The following CSN1S1 variants were observed in gnomAD, a reference collection of about 807,000 sequenced individuals.
CSN1S1 encodes casein alpha s1, also known as alpha-S1-casein.
CSN1S1 carries 63 observed loss-of-function variants against 49.1 expected under a neutral mutation model. The ratio of observed to expected loss-of-function variants is 1.28; its 90% CI spans 1.05 to 1.58. The LOEUF (loss-of-function observed/expected upper bound fraction) is 1.58. CSN1S1 is among the 40% of genes most tolerant of loss of function. CSN1S1 has a pLI of 0.00. For synonymous variants in CSN1S1, 78 were observed against 67.1 expected (o/e 1.16, Z -0.79); for missense variants, 260 against 224.7 (o/e 1.16, Z -1.01).
rs536837986 is a variant in CSN1S1, at chr4:69,946,098, C to T, written c.*-98C>T. 42 of 370,562 alleles carry T rather than the reference C, an allele frequency of 1.1e-4. 2 individuals are homozygous for T. The South Asian group carries it at 1.2e-3, about 11-fold the overall frequency. 23.0% of individuals were successfully genotyped at this position (370,562 alleles called of 1,614,324 possible). A position where few individuals can be genotyped will look rare whatever the true frequency, so the allele number is the denominator to read the frequency against. The stretch of plus-strand genomic sequence containing the variant: ...AATAACATTGTGAGCTTGTCTAATA[C>T]GAAGAGAAAATAGTAAAACGTGTTC... On this transcript the variant is annotated intron_variant, in intron 15 of 15. Transcript: ENST00000246891.
intron 14 of CSN1S1, among the ~76,000 whole-genome samples, chr4:69,943,143 G>A (rs1199291899): frequency 1.4e-5 from 2 of 146,308 alleles, no homozygotes; most frequent in African/African-American, 5.1e-5. Flanking sequence ...AGAATTACTT[G>A]GTCTTAATTT....
At chr4:69,942,174 A>T (rs1722990623) in intron 13 of CSN1S1, 111 bp downstream of exon 13, 1 of 646,068 alleles carries the variant, frequency 1.5e-6, no homozygotes, top group African/African-American at 1.8e-5. Context: ...GTGTTCTACC[A>T]ACACTATCTG....
In CSN1S1 at chr4:69,944,920, A is replaced by G. The variant is rs765267736; in HGVS notation, c.473A>G (p.Tyr158Cys). 3.1e-6 allele frequency: 5 copies of G among 1,613,042 alleles called. No homozygotes were observed. The highest frequency in any genetic ancestry group is 2.2e-5 in the East Asian group (1 of 44,830). Residue 158 changes from tyrosine (Y) to cysteine (C), a missense_variant, in exon 15 of 16, where the codon TAT becomes TGT. By Grantham distance (194) the Tyr-to-Cys change is radical. Coordinates refer to ENST00000246891, the MANE Select transcript of CSN1S1 (RefSeq NM_001890.2). ...AVWYYPQIMQYVPFPPFSDIS... is the reference protein window; with the variant it reads ...AVWYYPQIMQCVPFPPFSDIS... ...TGGTACTATCCACAAATCATGCAGT[A>G]TGTTCCTTTCCCACCGTTTTCCGAC...
At position 69,937,815 on chromosome 4, in the gene CSN1S1, G is replaced by A; in HGVS notation, c.235G>A (p.Glu79Lys). 1 of 1,597,078 alleles carries A rather than the reference G, an allele frequency of 6.3e-7. No individual in the cohort carries two copies. Among genetic ancestry groups the A allele is most frequent in the Non-Finnish European group, 8.5e-7 (1 of 1,173,434 alleles). ...CTTTCTTAAGAACTGTGTTGTGGCA[G>A]AGCCTGAGGTAAGACCCATTCATTC... ...NESTQNCVVA[E>K]PEKMESSISS... is the part of the protein sequence containing the mutation. Residue 79 changes from glutamate (E) to lysine (K), a missense_variant, in exon 9 of 16, where the codon GAG becomes AAG. Coordinates refer to ENST00000246891, the MANE Select transcript of CSN1S1 (RefSeq NM_001890.2).
chr4:69,936,464 G>T lies in CSN1S1; in HGVS notation c.138G>T (p.Met46Ile). The T allele has an allele frequency of 6.4e-7, 1 of 1,559,768 alleles. No homozygotes were observed. Among genetic ancestry groups the T allele is most frequent in the South Asian group, 1.1e-5 (1 of 88,692 alleles). The change falls in exon 6 of 16, where the codon ATG (methionine) becomes ATT (isoleucine). Residue 46 changes from methionine to isoleucine, a missense_variant. Coordinates refer to ENST00000246891, the MANE Select transcript of CSN1S1 (RefSeq NM_001890.2). Reference sequence around the variant, plus strand: ...TCTTTTTTATCCCTAAGGAATACATGAATGGTATGAACAGGGTAAGAAACA... The same window carrying T: ...TCTTTTTTATCCCTAAGGAATACATTAATGGTATGAACAGGGTAAGAAACA... Reference protein sequence around the residue: ...PIPLESREEYMNGMNRQRNIL... With the variant: ...PIPLESREEYINGMNRQRNIL...
intron 4 of CSN1S1, among the ~76,000 whole-genome samples, chr4:69,935,469 G>C (rs1722745788): frequency 6.6e-6 from 1 of 151,938 alleles, no homozygotes; most frequent in Non-Finnish European, 1.5e-5. Flanking sequence ...AGGGTCACTT[G>C]AGCATGGGCG....
At chr4:69,933,571 A>G (rs1179602162) in intron 2 of CSN1S1, among the ~76,000 whole-genome samples, 1 of 152,008 alleles carries the variant, frequency 6.6e-6, no homozygotes, top group African/African-American at 2.4e-5. Flanking sequence ...AAACTTCCTC[A>G]GGAATGAACT....
At chr4:69,931,816 C>T (rs952279772) in intron 1 of CSN1S1, among the ~76,000 whole-genome samples, 7 of 151,760 alleles carry the variant, frequency 4.6e-5, no homozygotes, top group Admixed American at 3.9e-4. Context: ...ACCATTTTCC[C>T]AGTACATGTG....
intron 2 of CSN1S1, among the ~76,000 whole-genome samples, chr4:69,933,651 A>G (rs2109712597): frequency 6.6e-6 from 1 of 152,066 alleles, no homozygotes; most frequent in South Asian, 2.1e-4. Context: ...TAGATGTTAC[A>G]CTTTTATTCC....
Position 69,936,592 on chromosome 4 carries a change from G to A in CSN1S1, c.180G>A (p.Gln60=). 1 of 1,605,766 alleles carries A rather than the reference G, an allele frequency of 6.2e-7. No homozygotes were observed. Among genetic ancestry groups the A allele is most frequent in the Non-Finnish European group, 8.5e-7 (1 of 1,175,532 alleles). The part of the protein sequence containing the change: ...NRQRNILREK[Q]TDEIKDTRNE... ...AGAGAAACATTCTGAGAGAAAAACA[G>A]ACTGATGAAATCAAGGTACCAAAGT... Residue 60 remains glutamine, a synonymous_variant, in exon 7 of 16, where the codon CAG becomes CAA. Coordinates refer to ENST00000246891, the MANE Select transcript of CSN1S1 (RefSeq NM_001890.2).
intron 10 of CSN1S1, 26 bp from the exon 11 acceptor site, chr4:69,939,995 C>T: frequency 7.5e-7 from 1 of 1,324,916 alleles, no homozygotes; most frequent in East Asian, 2.7e-5. Flanking sequence ...GAAATTAAAA[C>T]TATGCATGTT....
intron 13 of CSN1S1, 110 bp from the exon 14 acceptor site, chr4:69,942,426 C>T: frequency 4.4e-6 from 4 of 904,828 alleles, no homozygotes; most frequent in Non-Finnish European, 7.0e-6. Flanking sequence ...AGAATACAGT[C>T]TATTCTAAAT....
chr4:69,942,387 G>T, intron 13 of CSN1S1, 149 bp from the exon 14 acceptor site: 1 of 711,498 alleles, frequency 1.4e-6, no homozygotes. Context: ...AATAAAAAGT[G>T]TTTTGACATT....
intron 13 of CSN1S1, 121 bp from the exon 14 acceptor site, chr4:69,942,415 T>G (rs1723003698): frequency 1.2e-6 from 1 of 856,886 alleles, no homozygotes; most frequent in Admixed American, 2.7e-5. Flanking sequence ...AACTGTGGCA[T>G]AGAATACAGT....
chr4:69,942,482 T>G (rs1285291611), intron 13 of CSN1S1, 54 bp from the exon 14 acceptor site: 12 of 1,327,602 alleles, frequency 9.0e-6, no homozygotes, highest in Non-Finnish European at 1.3e-5. Flanking sequence ...GTAAGATAAA[T>G]GTGTTGTACC....
At chr4:69,942,241 A>T (rs1237283072) in intron 13 of CSN1S1, among the ~76,000 whole-genome samples, 178 bp downstream of exon 13, 2 of 151,994 alleles carry the variant, frequency 1.3e-5, no homozygotes, top group Non-Finnish European at 2.9e-5. Context: ...ATAAATAGCC[A>T]TAAATAGAAA....
Position 69,932,609 on chromosome 4 carries a change from A to G in CSN1S1, c.51+3A>G. On this transcript the variant is annotated splice_donor_region_variant and intron_variant, in intron 2 of 15. Transcript: ENST00000246891. ...TGGCTGTTGCTCTTGCCAGGCCTGT[A>G]AGTTCAGTAGAGAATTTAGAAAGTC... is the stretch of plus-strand genomic sequence containing the variant. 10 of 1,593,342 alleles carry G rather than the reference A, an allele frequency of 6.3e-6. No homozygotes were observed. Among genetic ancestry groups the G allele is most frequent in the Non-Finnish European group, 8.6e-6 (10 of 1,167,736 alleles).
chr4:69,939,926 A>G (rs1031263926), intron 10 of CSN1S1, 95 bp from the exon 11 acceptor site: 6 of 727,782 alleles, frequency 8.2e-6, no homozygotes, highest in African/African-American at 1.9e-5. Context: ...ATTCACTGCA[A>G]TTATTTAGTA....
chr4:69,944,989 T>A lies in CSN1S1; in HGVS notation c.542T>A (p.Val181Asp). 6.2e-7 allele frequency: 1 copy of A among 1,612,646 alleles called. No homozygotes were observed. Among genetic ancestry groups the A allele is most frequent in the Non-Finnish European group, 8.5e-7 (1 of 1,179,070 alleles). Residue 181 changes from valine to aspartate, a missense_variant, in exon 15 of 16, where the codon GTC becomes GAC. Transcript: ENST00000246891. ...CATGAAAATTATGAAAAAAATAACG[T>A]CATGCTACAGTGGTGGTAAGTTCAT... ...TAHENYEKNN[V>D]MLQW
Sources: allele counts gnomAD v4.1 joint callset (sites outside exome capture counted in the v4.1 genomes callset), GRCh38; gene constraint gnomAD v4.1.1; transcripts MANE v1.5; gene names NCBI Gene and HGNC (gene_info 2026-07-23, HGNC 2026-07-21).